The following ST7 variants were observed in gnomAD, a reference collection of about 807,000 sequenced individuals.
ST7 encodes the protein suppression of tumorigenicity 7.
In ST7, 28 loss-of-function variants were observed where a neutral mutation model predicts 78.7. The observed-to-expected ratio is 0.36, with a 90% CI of 0.26 to 0.49. ST7 has a LOEUF of 0.49. ST7 is among the 20% of genes least tolerant of loss of function. ST7 has a pLI of 0.99. For missense variants in ST7, 418 were observed against 696.0 expected, an observed-to-expected ratio of 0.60 and a Z score of 4.49; for synonymous variants, 247 against 249.6, an observed-to-expected ratio of 0.99 and a Z score of 0.10.
chr7:116,959,203 C>A (rs1025188965), intron 1 of ST7: 1 of 470,336 alleles, frequency 2.1e-6, no homozygotes, highest in African/African-American at 2.0e-5. Flanking sequence ...AAAACACTTT[C>A]TTTGCTCATC....
chr7:116,986,925 T>A (rs991116153), intron 1 of ST7, among the ~76,000 whole-genome samples: 1 of 152,220 alleles, frequency 6.6e-6, no homozygotes, highest in African/African-American at 2.4e-5. Flanking sequence ...CTGAGAAGGA[T>A]GATTAAGAAC....
intron 1 of ST7, among the ~76,000 whole-genome samples, chr7:117,027,468 T>TAAAAGTAAAAGTA (rs778094133): frequency 2.2e-5 from 3 of 134,980 alleles, no homozygotes; most frequent in African/African-American, 1.1e-4. Context: ...AAAGTAAAAG[T>TAAAAGTAAAAGTA]AAAGTAAAGT....
In ST7 at chr7:116,953,555, C is replaced by A; in HGVS notation, c.15C>A (p.Ala5=). ...AGCGCTGAAACATGGCTGAAGCGGC[C>A]ACGGGCTTTCTGGAGCAGCTCAAGT... MAEA[A]TGFLEQLKSC... The change falls in exon 1 of 16, where the codon GCC becomes GCA. Residue 5 remains alanine (A), a synonymous_variant. Coordinates refer to ENST00000323984, the MANE Select transcript of ST7 (RefSeq NM_001369598.1). 7.0e-7 allele frequency: 1 copy of A among 1,438,380 alleles called. No individual in the cohort carries two copies. 89.1% of individuals were successfully genotyped at this position (1,438,380 alleles called of 1,614,324 possible).
chr7:117,000,943 A>G (rs980499424), intron 1 of ST7, among the ~76,000 whole-genome samples: 1 of 152,260 alleles, frequency 6.6e-6, no homozygotes, highest in Admixed American at 6.5e-5. Context: ...GACATCTGGT[A>G]GACATTCTCT....
chr7:117,174,086 A>ACATAT (rs1170848854), intron 10 of ST7, among the ~76,000 whole-genome samples: 6 of 152,204 alleles, frequency 3.9e-5, no homozygotes, highest in Admixed American at 3.9e-4. Context: ...AGTTGATTGG[A>ACATAT]CATATATCCA....
chr7:117,079,229 A>T (rs985577525), intron 1 of ST7, among the ~76,000 whole-genome samples: 3 of 152,186 alleles, frequency 2.0e-5, no homozygotes, highest in Non-Finnish European at 4.4e-5. Context: ...TGAGTAATCT[A>T]GATATGGTTT....
intron 1 of ST7, among the ~76,000 whole-genome samples, chr7:116,959,976 TAC>T (rs1792737532): frequency 6.6e-6 from 1 of 152,220 alleles, no homozygotes; most frequent in Non-Finnish European, 1.5e-5. Flanking sequence ...ACATGTTTTT[TAC>T]AGTTTGGACT....
At chr7:117,139,141 A>G (rs1437006780) in intron 9 of ST7, among the ~76,000 whole-genome samples, 1 of 152,224 alleles carries the variant, frequency 6.6e-6, no homozygotes, top group African/African-American at 2.4e-5. Context: ...AAGGGAGGTT[A>G]TTATTATGTA....
chr7:117,171,044 GA>G (rs1807949126), intron 10 of ST7, 68 bp downstream of exon 10: 1 of 1,003,270 alleles, frequency 1.0e-6, no homozygotes, highest in African/African-American at 1.6e-5. Context: ...GATTAGATTA[GA>G]AGGGTCATTT....
At chr7:117,083,372 C>T (rs966954090) in intron 1 of ST7, among the ~76,000 whole-genome samples, 1 of 152,186 alleles carries the variant, frequency 6.6e-6, no homozygotes, top group African/African-American at 2.4e-5. Context: ...TCTCCTGCCT[C>T]AACCTCCCGA....
intron 1 of ST7, among the ~76,000 whole-genome samples, chr7:117,095,673 T>TTA (rs1427452759): frequency 6.6e-6 from 1 of 152,162 alleles, no homozygotes; most frequent in African/African-American, 2.4e-5. Context: ...TAGTAAAGTA[T>TTA]TATAGTTTAT....
intron 1 of ST7, chr7:116,956,603 C>T (rs778357446): frequency 4.2e-6 from 2 of 471,166 alleles, no homozygotes; most frequent in Non-Finnish European, 8.8e-6. Context: ...CAGCTCTGTA[C>T]CTGTAGGGGG....
chr7:117,136,627 A>T (rs1487151107), intron 8 of ST7: 1 of 330,352 alleles, frequency 3.0e-6, no homozygotes, highest in East Asian at 6.3e-5. Flanking sequence ...TATCTTATAG[A>T]TCTTCTACAA....
At chr7:117,031,897 T>TGTCACCCAGGCTGGAGTGCAGTGGTG (rs1796617261) in intron 1 of ST7, among the ~76,000 whole-genome samples, 1 of 123,980 alleles carries the variant, frequency 8.1e-6, no homozygotes, top group Non-Finnish European at 1.8e-5. Context: ...TTTTTTTTTT[T>TGTCACCCAGGCTGGAGTGCAGTGGTG]TGGCAATGGA....
rs1195345961 is a variant in ST7, at chr7:117,183,916, T to A, written c.1079-5405T>A. On this transcript the variant is annotated intron_variant, in intron 10 of 15. Transcript: ENST00000323984. ...CACACAATGAAATACTACTCAGCAA[T>A]GAAAAAGAATGAATGACTGACACGT... is the stretch of plus-strand genomic sequence containing the variant. 2.0e-5 allele frequency among the ~76,000 whole-genome samples: 3 copies of A among 152,096 alleles called. No homozygotes were observed. In the East Asian group the frequency reaches 5.8e-4, roughly 29 times the overall value.
intron 9 of ST7, among the ~76,000 whole-genome samples, chr7:117,165,617 A>G (rs1807492245): frequency 6.6e-6 from 1 of 152,156 alleles, no homozygotes; most frequent in Non-Finnish European, 1.5e-5. Context: ...GTCACTGACC[A>G]AGAATACAGC....
At chr7:117,043,897 G>T (rs1797357871) in intron 1 of ST7, among the ~76,000 whole-genome samples, 1 of 152,162 alleles carries the variant, frequency 6.6e-6, no homozygotes, top group South Asian at 2.1e-4. Flanking sequence ...TGAAGATAAT[G>T]ATCTGTATTT....
intron 9 of ST7, among the ~76,000 whole-genome samples, chr7:117,139,726 G>A (rs1020243349): frequency 1.3e-5 from 2 of 152,140 alleles, no homozygotes; most frequent in African/African-American, 4.8e-5. Flanking sequence ...CTAGGAAAGA[G>A]AATCTCCCTC....
intron 11 of ST7, among the ~76,000 whole-genome samples, chr7:117,189,632 G>A (rs1208365204): frequency 2.6e-5 from 4 of 152,216 alleles, no homozygotes; most frequent in Non-Finnish European, 5.9e-5. Context: ...CCATGCTTCT[G>A]AGATGAGTTT....
Sources: gnomAD v4.1 joint callset for allele counts (sites outside exome capture counted in the v4.1 genomes callset) on GRCh38, gnomAD v4.1.1 for gene constraint, MANE v1.5 for transcripts, NCBI Gene and HGNC (gene_info 2026-07-23, HGNC 2026-07-21) for gene names.